GRID2: variants seen among roughly 807,000 people sequenced by gnomAD.
The protein encoded by GRID2 is glutamate ionotropic receptor delta type subunit 2, also known as glutamate receptor ionotropic, delta-2.
A neutral mutation model predicts 114.8 loss-of-function variants in GRID2; 33 were observed. The observed-to-expected ratio is 0.29, with a 90% CI of 0.22 to 0.38. The LOEUF is 0.38. Among genes scored for constraint, GRID2 ranks in the 10% least tolerant of loss-of-function variants. The pLI, the probability that GRID2 is intolerant of heterozygous loss-of-function variation, is 1.00. For synonymous variants in GRID2, 505 were observed against 449.9 expected, an observed-to-expected ratio of 1.12 and a Z score of -1.55; for missense variants, 1,184 against 1,257.7, an observed-to-expected ratio of 0.94 and a Z score of 0.89.
At chr4:93,535,446 A>G (rs1168194566) in intron 13 of GRID2, among the ~76,000 whole-genome samples, 1 of 152,024 alleles carries the variant, frequency 6.6e-6, no homozygotes, top group Non-Finnish European at 1.5e-5. Flanking sequence ...TGGTAGTTTC[A>G]TTTTTAATTT....
intron 3 of GRID2, among the ~76,000 whole-genome samples, chr4:93,096,666 G>A (rs537358599): frequency 1.1e-3 from 161 of 152,110 alleles, no homozygotes; most frequent in Non-Finnish European, 1.6e-3. Context: ...GCATCCACTA[G>A]ATTGGCTGAA....
rs147748043 is a variant in GRID2, at chr4:92,863,798, A to C, written c.245-221197A>C. Among the ~76,000 whole-genome samples the C allele has an allele frequency of 2.6e-3, 398 of 152,240 alleles. 2 individuals are homozygous for C. Among genetic ancestry groups the C allele is most frequent in the African/African-American group, 9.3e-3 (388 of 41,566 alleles). ...GTCACCATGGAAGGAACATCATTGA[A>C]GTCAGTCAGTGTAGTTATGGTGCCC... is the stretch of plus-strand genomic sequence containing the variant. On this transcript the variant is annotated intron_variant, in intron 2 of 15. Transcript: ENST00000282020.
chr4:92,747,010 T>C (rs1276861811), intron 2 of GRID2, among the ~76,000 whole-genome samples: 1 of 152,036 alleles, frequency 6.6e-6, no homozygotes. Context: ...ACTAAACATA[T>C]AGAGAATTGA....
intron 14 of GRID2, among the ~76,000 whole-genome samples, chr4:93,698,126 G>A (rs140295361): frequency 2.8e-4 from 43 of 151,894 alleles, no homozygotes; most frequent in African/African-American, 7.7e-4. Context: ...TTTCAACTCT[G>A]TCAAACACTT....
chr4:93,286,692 G>GTGTGTGTGTGTGT (rs1561086976), intron 8 of GRID2, among the ~76,000 whole-genome samples: 3 of 141,392 alleles, frequency 2.1e-5, no homozygotes, highest in African/African-American at 9.0e-5. Context: ...TGTGTGTGTG[G>GTGTGTGTGTGTGT]GGGTGTGTGT....
chr4:93,495,316 A>G lies in GRID2; in HGVS notation c.1997+4539A>G, dbSNP rs965034320. On this transcript the variant is annotated intron_variant, in intron 12 of 15. Transcript: ENST00000282020. ...CCCTTTTCCCTAGCATATCAATAAC[A>G]GGATTTTTGCCATCACCTTGGTCTA... Among the ~76,000 whole-genome samples, 52 of 143,110 alleles carry G rather than the reference A, an allele frequency of 3.6e-4. 1 individual carries two copies. The allele number at this position is 143,110 out of a possible 152,430, so 93.9% of individuals were successfully genotyped here.
intron 8 of GRID2, among the ~76,000 whole-genome samples, chr4:93,363,058 A>T (rs1762021774): frequency 6.6e-6 from 1 of 152,186 alleles, no homozygotes; most frequent in South Asian, 2.1e-4. Context: ...TATCTCTACT[A>T]AAAATACAAA....
chr4:92,519,696 AG>A (rs1724674400), intron 1 of GRID2, among the ~76,000 whole-genome samples: 1 of 151,804 alleles, frequency 6.6e-6, no homozygotes, highest in Admixed American at 6.6e-5. Flanking sequence ...ATAAGTCCCA[AG>A]ATCTCCATTT....
chr4:92,306,227 G>C (rs1725399092), intron 1 of GRID2, among the ~76,000 whole-genome samples: 1 of 152,218 alleles, frequency 6.6e-6, no homozygotes, highest in South Asian at 2.1e-4. Flanking sequence ...TATATCAGTA[G>C]AACTGTCTGT....
chr4:93,272,400 G>A (rs1345073016), intron 8 of GRID2, among the ~76,000 whole-genome samples: 1 of 152,174 alleles, frequency 6.6e-6, no homozygotes, highest in Non-Finnish European at 1.5e-5. Context: ...CCATACTAGA[G>A]CTGGGCTGAG....
At chr4:93,650,592 C>A (rs1054616375) in intron 14 of GRID2, among the ~76,000 whole-genome samples, 4 of 152,022 alleles carry the variant, frequency 2.6e-5, no homozygotes, top group Non-Finnish European at 5.9e-5. Flanking sequence ...TTAAAGCAAC[C>A]CAGTGCTTGT....
chr4:92,891,741 A>G (rs1228921687), intron 2 of GRID2, among the ~76,000 whole-genome samples: 2 of 152,188 alleles, frequency 1.3e-5, no homozygotes, highest in African/African-American at 2.4e-5. Flanking sequence ...AAATTGTTAC[A>G]TCGGCATCAT....
chr4:92,681,834 T>C (rs1174676901), intron 2 of GRID2, among the ~76,000 whole-genome samples: 1 of 152,054 alleles, frequency 6.6e-6, no homozygotes, highest in Non-Finnish European at 1.5e-5. Flanking sequence ...ATGTGGAAGA[T>C]GAAGGGTATA....
chr4:93,557,563 A>G (rs1047942475), intron 13 of GRID2, among the ~76,000 whole-genome samples: 4 of 152,248 alleles, frequency 2.6e-5, no homozygotes, highest in African/African-American at 7.2e-5. Flanking sequence ...TATGCACCCA[A>G]TACAGGAGCA....
chr4:93,592,184 G>T (rs1738425614), intron 13 of GRID2, among the ~76,000 whole-genome samples: 2 of 151,926 alleles, frequency 1.3e-5, no homozygotes, highest in African/African-American at 2.4e-5. Context: ...GCTTTCTCTT[G>T]TGGGCATTTA....
intron 13 of GRID2, among the ~76,000 whole-genome samples, chr4:93,590,535 C>T (rs1434159645): frequency 9.9e-5 from 15 of 151,402 alleles, no homozygotes; most frequent in African/African-American, 2.9e-4. Flanking sequence ...CTTGGCGATG[C>T]GGGCTCTTTT....
chr4:92,844,503 C>T (rs184386814), intron 2 of GRID2, among the ~76,000 whole-genome samples: 25 of 152,150 alleles, frequency 1.6e-4, no homozygotes, highest in Admixed American at 1.4e-3. Context: ...CATGCCACTG[C>T]ACTCCAACCT....
chr4:93,015,936 T>A (rs988696909), intron 2 of GRID2, among the ~76,000 whole-genome samples: 1 of 152,040 alleles, frequency 6.6e-6, no homozygotes, highest in East Asian at 1.9e-4. Context: ...GATAAGCACA[T>A]GTAAATAACA....
chr4:92,957,475 C>G (rs1260871140), intron 2 of GRID2, among the ~76,000 whole-genome samples: 2 of 151,912 alleles, frequency 1.3e-5, no homozygotes, highest in South Asian at 2.1e-4. Flanking sequence ...TTATGTAGGT[C>G]TCTTTCTGGA....
Sources: allele counts gnomAD v4.1 joint callset (sites outside exome capture counted in the v4.1 genomes callset), GRCh38; gene constraint gnomAD v4.1.1; transcripts MANE v1.5; gene names NCBI Gene and HGNC (gene_info 2026-07-23, HGNC 2026-07-21).